The following BRWD1 variants were observed in gnomAD, a reference collection of about 807,000 sequenced individuals.
BRWD1 encodes the protein bromodomain and WD repeat-containing protein 1.
Under a neutral mutation model 251.2 loss-of-function variants are expected in BRWD1, and 82 were observed. That is an observed-to-expected ratio of 0.33 (90% confidence interval 0.27 to 0.39). The LOEUF (loss-of-function observed/expected upper bound fraction) is 0.39, where lower values mean the gene tolerates loss of function less well. Among genes scored for constraint, BRWD1 ranks in the 10% least tolerant of loss-of-function variants. BRWD1 has a pLI of 1.00. For synonymous variants in BRWD1, 918 were observed against 902.8 expected (o/e 1.02, Z -0.30); for missense variants, 2,233 against 2,711.6 (o/e 0.82, Z 3.92).
intron 8 of BRWD1, among the ~76,000 whole-genome samples, chr21:39,287,394 G>A (rs1227601896): frequency 6.6e-6 from 1 of 152,110 alleles, no homozygotes; most frequent in Non-Finnish European, 1.5e-5. Context: ...TTGCTTCCTT[G>A]GGAGATTAGC....
chr21:39,274,464 C>A lies in BRWD1; in HGVS notation c.1154G>T (p.Ser385Ile). 6.2e-7 allele frequency: 1 copy of A among 1,613,130 alleles called. No homozygotes were observed. Among genetic ancestry groups the A allele is most frequent in the Non-Finnish European group, 8.5e-7 (1 of 1,179,260 alleles). Residue 385 changes from serine (S) to isoleucine (I), a missense_variant, in exon 13 of 41, where the codon AGT (serine) becomes ATT (isoleucine). Around this residue, in one of 12 missense-constraint regions of BRWD1, gnomAD observed 315 missense variants for 421.8 expected, o/e 0.75. Coordinates refer to ENST00000342449, the MANE Select transcript of BRWD1 (RefSeq NM_033656.4). ...QFCNNGDRFL[S>I]GSRDGTARIW... ...CCGTGCTGTTCCATCTCTGCTACCA[C>A]TTAGGAACCTTAAAACATTCAGAAC...
intron 34 of BRWD1, among the ~76,000 whole-genome samples, chr21:39,211,708 C>T (rs2146496550): frequency 1.3e-5 from 2 of 152,152 alleles, no homozygotes; most frequent in Middle Eastern, 3.4e-3. Context: ...CAAATAAATA[C>T]AAATACTAAA....
rs1434318461 is a variant in BRWD1, at chr21:39,191,592, T to C, written c.*4667A>G. 18 of 984,772 alleles carry C rather than the reference T, an allele frequency of 1.8e-5. No homozygotes were observed. The highest frequency in any genetic ancestry group is 2.2e-5 in the Non-Finnish European group (18 of 829,518). 61.0% of individuals were successfully genotyped at this position (984,772 alleles called of 1,614,324 possible). A position where few individuals can be genotyped will look rare whatever the true frequency, so the allele number is the denominator to read the frequency against. The stretch of plus-strand genomic sequence containing the variant: ...TTTTGATTGGGATTTTGTAGGTGAA[T>C]ATATAGTTGCAGTCCAAGGACTGAT... On this transcript the variant is annotated 3_prime_UTR_variant, in exon 41 of 41. Coordinates refer to ENST00000342449, the MANE Select transcript of BRWD1 (RefSeq NM_033656.4).
In BRWD1 at chr21:39,224,489, C is replaced by T; in HGVS notation, c.3321-20G>A. On this transcript the variant is annotated intron_variant, in intron 28 of 40. Transcript: ENST00000342449. ...TCCCACCTGTTAAAAAACAACAAAT[C>T]TCTGGTTAGCCTTTCATAAAAACAA... 1 of 1,562,576 alleles carries T rather than the reference C, an allele frequency of 6.4e-7. No homozygotes were observed. Among genetic ancestry groups the T allele is most frequent in the South Asian group, 1.2e-5 (1 of 83,926 alleles).
Position 39,264,952 on chromosome 21 carries a change from C to G in BRWD1, c.1598G>C (p.Cys533Ser). Residue 533 changes from cysteine to serine, a missense_variant, in exon 16 of 41, where the codon TGT becomes TCT. Physicochemically the swap from Cys to Ser is moderately radical, Grantham distance 112. Transcript: ENST00000342449. ...CAGAAGGTGCCCATGAGAATCTGTA[C>G]AGGCAAAATGCTGTCCATCCTGTGA... ...KFSQDGQHFA[C>S]TDSHGHLLIF... The G allele has an allele frequency of 6.2e-7, 1 of 1,613,840 alleles. No homozygotes were observed. The highest frequency in any genetic ancestry group is 8.5e-7 in the Non-Finnish European group (1 of 1,179,796).
At chr21:39,247,583 A>G in intron 21 of BRWD1, 118 bp downstream of exon 21, 2 of 1,061,658 alleles carry the variant, frequency 1.9e-6, no homozygotes, top group Non-Finnish European at 1.3e-6. Context: ...GAAATTTCAT[A>G]TTAATCTCTG....
rs141679066 is a variant in BRWD1 at position 39,204,827 on chromosome 21, C to G, written c.4364+1281G>C. ...GCATGCAGTTACAAAAAGGTTCCTG[C>G]TCCTATGAAAATCGAATGCCCCCAC... On this transcript the variant is annotated intron_variant, in intron 37 of 40. Transcript: ENST00000342449. Among the ~76,000 whole-genome samples, 783 of 152,248 alleles carry G rather than the reference C, an allele frequency of 5.1e-3. 2 individuals are homozygous for G. The highest frequency in any genetic ancestry group is 8.3e-3 in the Non-Finnish European group (564 of 68,006).
chr21:39,237,716 T>C (rs994457187), intron 22 of BRWD1, among the ~76,000 whole-genome samples: 5 of 152,160 alleles, frequency 3.3e-5, no homozygotes, highest in African/African-American at 1.2e-4. Flanking sequence ...TTTTGCAAGA[T>C]AAACAAGGTT....
chr21:39,231,536 A>T (rs1442382483), intron 25 of BRWD1, among the ~76,000 whole-genome samples: 1 of 152,320 alleles, frequency 6.6e-6, no homozygotes, highest in East Asian at 1.9e-4. Flanking sequence ...TATATTTACA[A>T]GCATTTCTGC....
chr21:39,287,647 C>T (rs981517925), intron 8 of BRWD1, among the ~76,000 whole-genome samples: 6 of 151,874 alleles, frequency 4.0e-5, no homozygotes, highest in Non-Finnish European at 1.5e-5. Context: ...TTTTTTGTTC[C>T]CTGAACAATG....
At chr21:39,247,237 A>C (rs901211133) in intron 21 of BRWD1, among the ~76,000 whole-genome samples, 11 of 152,216 alleles carry the variant, frequency 7.2e-5, no homozygotes, top group Non-Finnish European at 1.5e-4. Context: ...AATGTATTAA[A>C]ATTTAATAGA....
intron 37 of BRWD1, among the ~76,000 whole-genome samples, chr21:39,205,584 C>A (rs1374163577): frequency 6.6e-6 from 1 of 152,008 alleles, no homozygotes; most frequent in Non-Finnish European, 1.5e-5. Flanking sequence ...CCAGCCTGGG[C>A]AACACGGTGA....
intron 22 of BRWD1, 79 bp from the exon 23 acceptor site, chr21:39,236,863 G>C: frequency 1.6e-6 from 2 of 1,289,350 alleles, no homozygotes; most frequent in Middle Eastern, 1.9e-4. Context: ...AAAATTGAGG[G>C]AACAGAGAGA....
At chr21:39,185,100 C>T (rs2031138006), downstream of BRWD1, 1 of 151,904 alleles carries the variant, frequency 6.6e-6, no homozygotes, top group Non-Finnish European at 1.5e-5. Flanking sequence ...TAAGCAAATG[C>T]TTATTTCATG....
At chr21:39,314,803 C>G (rs1000860268), upstream of BRWD1, 3 of 160,822 alleles carry the variant, frequency 1.9e-5, no homozygotes, top group Non-Finnish European at 4.1e-5. Context: ...TGCACCTTGT[C>G]TTGGCTCCAC....
intron 8 of BRWD1, among the ~76,000 whole-genome samples, chr21:39,290,505 A>C (rs888035455): frequency 1.3e-5 from 2 of 152,020 alleles, no homozygotes; most frequent in Non-Finnish European, 2.9e-5. Flanking sequence ...AAAAAAAAAA[A>C]AAATGTACTA....
chr21:39,210,190 G>T, intron 35 of BRWD1, 43 bp from the exon 36 acceptor site: 1 of 1,491,992 alleles, frequency 6.7e-7, no homozygotes. Context: ...TTCATTTCTT[G>T]CTTTTAGAAA....
rs1474520715 is a variant in BRWD1 at position 39,258,528 on chromosome 21, A to G, written c.2030T>C (p.Ile677Thr). ...TTCACCATTTGAAAGTCCTCTTGGA[A>G]TAGTATCCTGATCTGCTCCCATTCT... ...DQRMGADQDT[I>T]PRGLSNGEET... The change falls in exon 18 of 41, where the codon ATT (isoleucine) becomes ACT (threonine). Residue 677 changes from isoleucine (I) to threonine (T), a missense_variant. Ile to Thr is a moderately conservative substitution (Grantham distance 89). Around this residue, in one of 12 missense-constraint regions of BRWD1, gnomAD observed 73 missense variants for 68.1 expected, o/e 1.07. Transcript: ENST00000342449. The G allele has an allele frequency of 6.2e-7, 1 of 1,610,288 alleles. No individual in the cohort carries two copies. Among genetic ancestry groups the G allele is most frequent in the Non-Finnish European group, 8.5e-7 (1 of 1,178,226 alleles).
downstream of BRWD1, chr21:39,185,227 CAG>C (rs1414873892): frequency 7.2e-6 from 1 of 138,704 alleles, no homozygotes; most frequent in Non-Finnish European, 1.5e-5. Context: ...CAAATACTGA[CAG>C]AAATTAACCC....
Sources: gnomAD v4.1 joint callset for allele counts (sites outside exome capture counted in the v4.1 genomes callset) on GRCh38, gnomAD v4.1.1 for gene constraint, gnomAD v4.1.1 regional missense constraint, MANE v1.5 for transcripts, NCBI Gene and HGNC (gene_info 2026-07-23, HGNC 2026-07-21) for gene names.